The following CFAP54 variants were observed in gnomAD, a reference collection of about 807,000 sequenced individuals.
CFAP54 encodes the protein cilia- and flagella-associated protein 54.
CFAP54 carries 290 observed loss-of-function variants against 370.4 expected under a neutral mutation model. That is an observed-to-expected ratio of 0.78 (90% CI 0.71 to 0.86). The LOEUF (loss-of-function observed/expected upper bound fraction) is 0.86. Ranked by LOEUF, CFAP54 falls within the 40% of genes least tolerant of loss-of-function variation. CFAP54 has a pLI of 0.00. For missense variants in CFAP54, 3,399 were observed against 3,528.7 expected (o/e 0.96, Z 0.93); for synonymous variants, 1,206 against 1,236.5 (o/e 0.98, Z 0.52).
At chr12:96,772,387 AGAG>A (rs1958471763) in intron 60 of CFAP54, among the ~76,000 whole-genome samples, 2 of 152,194 alleles carry the variant, frequency 1.3e-5, no homozygotes, top group South Asian at 4.1e-4. Flanking sequence ...CCCAGCTTCT[AGAG>A]GCCACCTGAA....
At position 96,769,680 on chromosome 12, in the gene CFAP54, T is replaced by C. The variant is rs548198564; in HGVS notation, c.8281+4462T>C. ...TGGCAATTATACCTTTTATAGACAG[T>C]AGTGGCTCAGAGCCAAATGATGAGC... On this transcript the variant is annotated intron_variant, in intron 60 of 67. Transcript: ENST00000524981. Among the ~76,000 whole-genome samples, 3 of 152,276 alleles carry C rather than the reference T, an allele frequency of 2.0e-5. No homozygotes were observed. In the East Asian group the frequency reaches 5.8e-4, roughly 29 times the overall value.
chr12:96,823,154 GTTTT>G (rs1959052188), intron 65 of CFAP54, among the ~76,000 whole-genome samples: 1 of 151,836 alleles, frequency 6.6e-6, no homozygotes, highest in Non-Finnish European at 1.5e-5. Flanking sequence ...GTGTGTGTGT[GTTTT>G]GAGAGAGAAA....
chr12:96,783,634 C>T (rs1288406851), intron 60 of CFAP54, among the ~76,000 whole-genome samples: 1 of 152,206 alleles, frequency 6.6e-6, no homozygotes, highest in South Asian at 2.1e-4. Context: ...TGCCTGTAAT[C>T]CCAGCATTTT....
At chr12:96,827,890 T>TAC (rs1959139715) in intron 65 of CFAP54, among the ~76,000 whole-genome samples, 7 of 111,452 alleles carry the variant, frequency 6.3e-5, no homozygotes, top group African/African-American at 2.5e-4. Flanking sequence ...TTATATATAA[T>TAC]ATATAATTAT....
chr12:96,735,522 G>C (rs548796759), intron 50 of CFAP54, among the ~76,000 whole-genome samples: 34 of 152,324 alleles, frequency 2.2e-4, no homozygotes, highest in African/African-American at 6.5e-4. Flanking sequence ...CTGTAAAAAT[G>C]ACTGGTGGTG....
chr12:96,633,067 ATCT>A (rs1402030736), intron 32 of CFAP54, among the ~76,000 whole-genome samples: 1 of 152,056 alleles, frequency 6.6e-6, no homozygotes, highest in Non-Finnish European at 1.5e-5. Flanking sequence ...TTGCGTACTG[ATCT>A]TCTAAACAAC....
At chr12:96,785,040 T>C (rs1958615356) in intron 61 of CFAP54, 150 bp downstream of exon 61, 1 of 561,356 alleles carries the variant, frequency 1.8e-6, no homozygotes, top group African/African-American at 1.9e-5. Flanking sequence ...TAACCTGGGA[T>C]ACATGCATCT....
chr12:96,632,668 C>A (rs891268169), intron 32 of CFAP54, among the ~76,000 whole-genome samples: 1 of 151,920 alleles, frequency 6.6e-6, no homozygotes, highest in Non-Finnish European at 1.5e-5. Flanking sequence ...GTCTGAAGAA[C>A]AAGTTTCTCC....
chr12:96,670,602 C>T (rs1016066418), intron 39 of CFAP54, among the ~76,000 whole-genome samples: 5 of 152,100 alleles, frequency 3.3e-5, no homozygotes, highest in Admixed American at 6.5e-5. Flanking sequence ...TAATGACTGT[C>T]ATGGGAACAA....
chr12:96,616,891 G>A (rs1226612343), intron 26 of CFAP54, among the ~76,000 whole-genome samples: 1 of 152,154 alleles, frequency 6.6e-6, no homozygotes, highest in Non-Finnish European at 1.5e-5. Flanking sequence ...AATTGTTCTT[G>A]TTGTACAACA....
chr12:96,558,205 A>G (rs1955775333), intron 17 of CFAP54, among the ~76,000 whole-genome samples: 1 of 152,204 alleles, frequency 6.6e-6, no homozygotes, highest in Non-Finnish European at 1.5e-5. Flanking sequence ...TATTTATAAA[A>G]TAAAATATTC....
intron 5 of CFAP54, among the ~76,000 whole-genome samples, chr12:96,515,330 G>A (rs964648195): frequency 6.6e-6 from 1 of 151,920 alleles, no homozygotes; most frequent in Non-Finnish European, 1.5e-5. Flanking sequence ...ATAGTTCTGT[G>A]GTGCCAGTCT....
chr12:96,633,713 A>T (rs1020051100), intron 32 of CFAP54, among the ~76,000 whole-genome samples: 1 of 152,214 alleles, frequency 6.6e-6, no homozygotes, highest in Non-Finnish European at 1.5e-5. Flanking sequence ...ATCCAATAGC[A>T]TTTGACTATT....
chr12:96,598,287 AT>A (rs1402855891), intron 25 of CFAP54, among the ~76,000 whole-genome samples: 11 of 152,030 alleles, frequency 7.2e-5, no homozygotes, highest in African/African-American at 2.7e-4. Flanking sequence ...ATAAGCTTCC[AT>A]TTGGTTTTTC....
chr12:96,847,947 T>G (rs1959405004), intron 66 of CFAP54, among the ~76,000 whole-genome samples: 1 of 152,260 alleles, frequency 6.6e-6, no homozygotes. Flanking sequence ...AAGAATAATC[T>G]ATTCTTCTAT....
rs1300978428 is a variant in CFAP54 at position 96,699,396 on chromosome 12, T to C, written c.6352-575T>C. Among the ~76,000 whole-genome samples the C allele has an allele frequency of 2.6e-5, 4 of 152,284 alleles. No homozygotes were observed. The East Asian group carries it at 5.8e-4, about 22-fold the overall frequency. On this transcript the variant is annotated intron_variant, in intron 45 of 67. Transcript: ENST00000524981. ...TCCCTATTCTCCTGCCTCATACTTATTACCTGGGTGATGAAATAATCTGTA... is the reference window on the plus strand; with the variant it reads ...TCCCTATTCTCCTGCCTCATACTTACTACCTGGGTGATGAAATAATCTGTA...
intron 55 of CFAP54, among the ~76,000 whole-genome samples, chr12:96,744,368 T>C (rs923616549): frequency 1.3e-5 from 2 of 152,214 alleles, no homozygotes; most frequent in South Asian, 2.1e-4. Flanking sequence ...ATTACCATAA[T>C]ATAACATGCA....
chr12:96,648,443 T>A (rs904009326), intron 34 of CFAP54, among the ~76,000 whole-genome samples: 1 of 152,110 alleles, frequency 6.6e-6, no homozygotes, highest in African/African-American at 2.4e-5. Context: ...GATTTTGTAT[T>A]CAGGGGAATC....
chr12:96,810,228 C>T (rs569132154), intron 63 of CFAP54, among the ~76,000 whole-genome samples: 9 of 152,268 alleles, frequency 5.9e-5, no homozygotes, highest in African/African-American at 2.2e-4. Flanking sequence ...CCTCTGAAAA[C>T]ACTTAGGACA....
Sources: gnomAD v4.1 joint callset for allele counts (sites outside exome capture counted in the v4.1 genomes callset) on GRCh38, gnomAD v4.1.1 for gene constraint, MANE v1.5 for transcripts, NCBI Gene and HGNC (gene_info 2026-07-23, HGNC 2026-07-21) for gene names.